The following LRP1B variants were observed in gnomAD, a reference collection of about 807,000 sequenced individuals.
LRP1B encodes LDL receptor related protein 1B, also known as low-density lipoprotein receptor-related protein 1B.
In LRP1B, 217 loss-of-function variants were observed where a neutral mutation model predicts 556.6. The observed-to-expected ratio is 0.39, with a 90% CI of 0.35 to 0.44. The LOEUF (loss-of-function observed/expected upper bound fraction) is 0.44. Among genes scored for constraint, LRP1B ranks in the 20% least tolerant of loss-of-function variants. The probability of loss-of-function intolerance (pLI) is 1.00; values close to 1 mark genes in which losing one functional copy is unlikely to be tolerated. For synonymous variants in LRP1B, 2,047 were observed against 1,865.8 expected (o/e 1.10, Z -2.50); for missense variants, 5,053 against 5,620.8 (o/e 0.90, Z 3.23).
chr2:141,652,365 A>G (rs1689828967), intron 2 of LRP1B, among the ~76,000 whole-genome samples: 1 of 152,262 alleles, frequency 6.6e-6, no homozygotes. Flanking sequence ...CAGAGAAAGT[A>G]GTTATTTATC....
chr2:141,485,526 G>A (rs896096803), intron 2 of LRP1B, among the ~76,000 whole-genome samples: 5 of 152,058 alleles, frequency 3.3e-5, no homozygotes, highest in African/African-American at 1.2e-4. Context: ...AGGCAGACAG[G>A]GCAGTTTGAG....
chr2:140,934,752 C>T (rs186111250), intron 20 of LRP1B, among the ~76,000 whole-genome samples: 1 of 152,226 alleles, frequency 6.6e-6, no homozygotes, highest in African/African-American at 2.4e-5. Context: ...TGGCCATTGT[C>T]ATTGCACCTC....
At chr2:141,824,784 G>A (rs575335040) in intron 1 of LRP1B, among the ~76,000 whole-genome samples, 3 of 152,264 alleles carry the variant, frequency 2.0e-5, no homozygotes, top group African/African-American at 7.2e-5. Context: ...AAAAATCCAT[G>A]TATGTGAGTT....
intron 7 of LRP1B, among the ~76,000 whole-genome samples, chr2:141,170,301 T>TTC (rs1680447780): frequency 6.6e-6 from 1 of 152,078 alleles, no homozygotes; most frequent in African/African-American, 2.4e-5. Context: ...GTTGTTTGAT[T>TTC]TCTCTCATTC....
At chr2:141,250,612 G>A (rs1684225354) in intron 4 of LRP1B, among the ~76,000 whole-genome samples, 1 of 152,114 alleles carries the variant, frequency 6.6e-6, no homozygotes, top group African/African-American at 2.4e-5. Flanking sequence ...TATAGTGAAT[G>A]ACTACATCTG....
intron 3 of LRP1B, among the ~76,000 whole-genome samples, chr2:141,418,874 A>G (rs186854787): frequency 5.9e-5 from 9 of 152,130 alleles, no homozygotes; most frequent in African/African-American, 2.2e-4. Context: ...TGAACATAGG[A>G]GGTCTTTCCA....
chr2:141,734,819 G>A lies in LRP1B; in HGVS notation c.205+75460C>T, dbSNP rs143797175. 3.3e-4 allele frequency among the ~76,000 whole-genome samples: 50 copies of A among 152,216 alleles called. 1 individual carries two copies. Among genetic ancestry groups the A allele is most frequent in the Middle Eastern group, 6.8e-3 (2 of 294 alleles). ...TTTATAATAACAAAGATAGAGACCA[G>A]GGAGTCCTTATGAATATGTTATTAA... On this transcript the variant is annotated intron_variant, in intron 2 of 90. Coordinates refer to ENST00000389484, the MANE Select transcript of LRP1B (RefSeq NM_018557.3).
chr2:140,299,247 G>A (rs2105003869), intron 83 of LRP1B, among the ~76,000 whole-genome samples: 1 of 152,102 alleles, frequency 6.6e-6, no homozygotes, highest in East Asian at 1.9e-4. Context: ...TGAATACAAT[G>A]CTTACAAATA....
At chr2:141,613,134 T>C (rs1436654980) in intron 2 of LRP1B, among the ~76,000 whole-genome samples, 2 of 152,092 alleles carry the variant, frequency 1.3e-5, no homozygotes, top group East Asian at 3.9e-4. Context: ...GGAAGTCTAC[T>C]GCCTTCCTGT....
At chr2:140,716,852 C>A (rs2105465010) in intron 35 of LRP1B, 36 bp from the exon 36 acceptor site, 1 of 1,366,560 alleles carries the variant, frequency 7.3e-7, no homozygotes, top group Non-Finnish European at 1.0e-6. Flanking sequence ...TACATATACA[C>A]ACACTGTAAA....
At chr2:141,523,784 G>A (rs907536527) in intron 2 of LRP1B, among the ~76,000 whole-genome samples, 5 of 152,126 alleles carry the variant, frequency 3.3e-5, no homozygotes, top group Middle Eastern at 3.2e-3. Context: ...AGGCAAAAAT[G>A]AATTACATGT....
At chr2:141,897,989 T>A (rs966294601) in intron 1 of LRP1B, among the ~76,000 whole-genome samples, 32 of 152,098 alleles carry the variant, frequency 2.1e-4, no homozygotes, top group Admixed American at 2.6e-4. Flanking sequence ...CAAGTGGTCA[T>A]CTTATTGGGC....
chr2:140,691,068 A>T (rs1003865956), intron 41 of LRP1B, among the ~76,000 whole-genome samples: 1 of 152,178 alleles, frequency 6.6e-6, no homozygotes, highest in African/African-American at 2.4e-5. Flanking sequence ...TTTTAAGACA[A>T]AAAAAGAACA....
chr2:141,829,870 AGTTTGATT>A (rs1697057069), intron 1 of LRP1B, among the ~76,000 whole-genome samples: 1 of 151,996 alleles, frequency 6.6e-6, no homozygotes, highest in Non-Finnish European at 1.5e-5. Flanking sequence ...ATTTCCACCC[AGTTTGATT>A]GCAGACATTT....
At chr2:140,563,217 CA>C (rs1452058423) in intron 43 of LRP1B, among the ~76,000 whole-genome samples, 1 of 151,902 alleles carries the variant, frequency 6.6e-6, no homozygotes, top group Non-Finnish European at 1.5e-5. Flanking sequence ...CACACATACA[CA>C]CATGCACTAC....
intron 2 of LRP1B, chr2:141,805,769 A>T (rs1262165030): frequency 6.6e-6 from 1 of 152,138 alleles, no homozygotes; most frequent in Non-Finnish European, 1.5e-5. Context: ...AAAACAAATA[A>T]AAACAAAGAA....
intron 1 of LRP1B, among the ~76,000 whole-genome samples, chr2:141,980,278 T>C (rs1467974859): frequency 6.6e-6 from 1 of 152,036 alleles, no homozygotes; most frequent in Non-Finnish European, 1.5e-5. Flanking sequence ...CATGAACAGT[T>C]CCCGACTGCC....
chr2:141,971,189 A>T (rs1558994968), intron 1 of LRP1B, among the ~76,000 whole-genome samples: 1 of 151,520 alleles, frequency 6.6e-6, no homozygotes, highest in Non-Finnish European at 1.5e-5. Flanking sequence ...CTATGTTGTG[A>T]TGTCCCAAAT....
chr2:141,688,629 GAA>G (rs1691399347), intron 2 of LRP1B, among the ~76,000 whole-genome samples: 1 of 151,808 alleles, frequency 6.6e-6, no homozygotes, highest in African/African-American at 2.4e-5. Flanking sequence ...ATGATTTACG[GAA>G]AGTCAAACAA....
Sources: gnomAD v4.1 joint callset for allele counts (sites outside exome capture counted in the v4.1 genomes callset) on GRCh38, gnomAD v4.1.1 for gene constraint, MANE v1.5 for transcripts, NCBI Gene and HGNC (gene_info 2026-07-23, HGNC 2026-07-21) for gene names.